Variants in CADPS observed in about 807,000 individuals in gnomAD.
CADPS encodes the protein calcium dependent secretion activator.
CADPS carries 57 observed loss-of-function variants against 167.3 expected under a neutral mutation model. The ratio of observed to expected loss-of-function variants is 0.34; its 90% CI spans 0.28 to 0.42. The LOEUF is 0.42. Ranked by LOEUF, CADPS falls within the 20% of genes least tolerant of loss-of-function variation. The probability of loss-of-function intolerance (pLI) is 1.00; values close to 1 mark genes in which losing one functional copy is unlikely to be tolerated. For synonymous variants in CADPS, 676 were observed against 635.3 expected (o/e 1.06, Z -0.96); for missense variants, 1,414 against 1,738.1 (o/e 0.81, Z 3.32).
chr3:62,724,708 G>A (rs2076421782), intron 3 of CADPS, among the ~76,000 whole-genome samples: 1 of 152,080 alleles, frequency 6.6e-6, no homozygotes, highest in Non-Finnish European at 1.5e-5. Flanking sequence ...ACTGTCACCA[G>A]CCCAAGGGCC....
chr3:62,752,050 G>T (rs2082823744), intron 3 of CADPS, among the ~76,000 whole-genome samples: 1 of 152,102 alleles, frequency 6.6e-6, no homozygotes, highest in African/African-American at 2.4e-5. Flanking sequence ...AGAAGGTTTA[G>T]GAACACTTGA....
At chr3:62,447,475 T>C (rs1481980240) in intron 26 of CADPS, among the ~76,000 whole-genome samples, 1 of 152,160 alleles carries the variant, frequency 6.6e-6, no homozygotes, top group Non-Finnish European at 1.5e-5. Context: ...ACCTCCCATA[T>C]AATGTCATGA....
chr3:62,817,798 C>A (rs1419883414), intron 1 of CADPS, among the ~76,000 whole-genome samples: 1 of 152,106 alleles, frequency 6.6e-6, no homozygotes, highest in African/African-American at 2.4e-5. Context: ...ACAATGTGAA[C>A]ATTAACACAA....
chr3:62,838,668 T>C (rs2076233636), intron 1 of CADPS, among the ~76,000 whole-genome samples: 1 of 152,218 alleles, frequency 6.6e-6, no homozygotes, highest in African/African-American at 2.4e-5. Flanking sequence ...TAGTAAAACG[T>C]ATTCCATACG....
intron 6 of CADPS, among the ~76,000 whole-genome samples, chr3:62,595,561 C>T (rs530064697): frequency 6.6e-6 from 1 of 152,126 alleles, no homozygotes; most frequent in African/African-American, 2.4e-5. Flanking sequence ...GAGAACCCAA[C>T]AAATTTTGGC....
intron 6 of CADPS, among the ~76,000 whole-genome samples, chr3:62,641,184 T>C (rs1483418746): frequency 6.6e-6 from 1 of 152,218 alleles, no homozygotes; most frequent in East Asian, 1.9e-4. Context: ...AAGGTAAGCG[T>C]AATGGGATCT....
chr3:62,749,303 C>T (rs1180275313), intron 3 of CADPS, among the ~76,000 whole-genome samples: 4 of 152,174 alleles, frequency 2.6e-5, no homozygotes, highest in African/African-American at 9.6e-5. Context: ...CATAATCGCT[C>T]TTTGATAAAT....
chr3:62,440,789 G>A (rs931547550), intron 27 of CADPS: 12 of 152,180 alleles, frequency 7.9e-5, no homozygotes, highest in African/African-American at 1.9e-4. Flanking sequence ...TATGCCTGAC[G>A]GTGAGGGAGG....
intron 17 of CADPS, among the ~76,000 whole-genome samples, chr3:62,507,941 T>G (rs1245586417): frequency 6.6e-6 from 1 of 152,210 alleles, no homozygotes; most frequent in African/African-American, 2.4e-5. Flanking sequence ...GCAATAATTC[T>G]CTGGGGGAGG....
At chr3:62,622,840 C>A (rs1013784984) in intron 6 of CADPS, among the ~76,000 whole-genome samples, 1 of 152,174 alleles carries the variant, frequency 6.6e-6, no homozygotes, top group Admixed American at 6.6e-5. Context: ...CGCTAAAATT[C>A]AGCCACAGCG....
intron 6 of CADPS, among the ~76,000 whole-genome samples, chr3:62,600,154 CTTT>C (rs111790353): frequency 7.4e-6 from 1 of 135,918 alleles, no homozygotes; most frequent in Admixed American, 7.6e-5. Flanking sequence ...TGATTTCTTT[CTTT>C]TTTTTTTTTT....
intron 1 of CADPS, among the ~76,000 whole-genome samples, chr3:62,797,168 TTG>T (rs1200405315): frequency 2.7e-5 from 4 of 148,068 alleles, no homozygotes; most frequent in African/African-American, 2.4e-5. Flanking sequence ...TTTTTGTTTT[TTG>T]TTTTTTTTCC....
intron 11 of CADPS, among the ~76,000 whole-genome samples, chr3:62,545,060 C>T (rs1392907208): frequency 1.3e-5 from 2 of 152,134 alleles, no homozygotes; most frequent in Non-Finnish European, 2.9e-5. Flanking sequence ...ATCCCCCTAA[C>T]TGTTGAAGAC....
chr3:62,622,579 A>C (rs189479446), intron 6 of CADPS, among the ~76,000 whole-genome samples: 1 of 152,266 alleles, frequency 6.6e-6, no homozygotes, highest in African/African-American at 2.4e-5. Context: ...GGGGCCAAAG[A>C]CACATTAACT....
In CADPS at chr3:62,739,183, A is replaced by G. The variant is rs565989100; in HGVS notation, c.888+14258T>C. On this transcript the variant is annotated intron_variant, in intron 3 of 29. Coordinates refer to ENST00000383710, the MANE Select transcript of CADPS (RefSeq NM_003716.4). ...ACTTCCAGAGTCCTTGTACTTTCAC[A>G]CTTTTACTTAAAACCCTGTCCAATG... 2.6e-5 allele frequency among the ~76,000 whole-genome samples: 4 copies of G among 152,256 alleles called. No individual in the cohort carries two copies. The South Asian group carries it at 8.3e-4, about 32-fold the overall frequency.
At chr3:62,577,523 C>G (rs947292735) in intron 8 of CADPS, among the ~76,000 whole-genome samples, 1 of 152,096 alleles carries the variant, frequency 6.6e-6, no homozygotes, top group Admixed American at 6.5e-5. Flanking sequence ...CCTCAGCTAT[C>G]TTATAGCAGC....
intron 1 of CADPS, among the ~76,000 whole-genome samples, chr3:62,838,003 T>C (rs2076134218): frequency 6.6e-6 from 1 of 152,240 alleles, no homozygotes; most frequent in South Asian, 2.1e-4. Flanking sequence ...TGGCTTTACA[T>C]GAATGGGTTA....
chr3:62,756,702 C>A (rs1311889099), intron 2 of CADPS, among the ~76,000 whole-genome samples: 1 of 152,166 alleles, frequency 6.6e-6, no homozygotes, highest in African/African-American at 2.4e-5. Flanking sequence ...AAAGAAAACA[C>A]CTTTGAGATG....
intron 1 of CADPS, among the ~76,000 whole-genome samples, chr3:62,787,320 C>A (rs1183214712): frequency 6.6e-6 from 1 of 151,924 alleles, no homozygotes; most frequent in East Asian, 1.9e-4. Flanking sequence ...AAACCAAAAG[C>A]CCCAGAACTT....
Sources: gnomAD v4.1 joint callset for allele counts (sites outside exome capture counted in the v4.1 genomes callset) on GRCh38, gnomAD v4.1.1 for gene constraint, MANE v1.5 for transcripts, NCBI Gene and HGNC (gene_info 2026-07-23, HGNC 2026-07-21) for gene names.